NTMT1: variants seen among roughly 807,000 people sequenced by gnomAD.
NTMT1 encodes N-terminal Xaa-Pro-Lys N-methyltransferase 1, also known as N-terminal RCC1 methyltransferase.
Under a neutral mutation model 17.5 loss-of-function variants are expected in NTMT1, and 8 were observed. The observed-to-expected ratio is 0.46, with a 90% CI of 0.27 to 0.82. The LOEUF is 0.82. Ranked by LOEUF, NTMT1 falls within the 40% of genes least tolerant of loss-of-function variation. The pLI is 0.15. For synonymous variants in NTMT1, 128 were observed against 126.8 expected, an observed-to-expected ratio of 1.01 and a Z score of -0.06; for missense variants, 221 against 303.5, an observed-to-expected ratio of 0.73 and a Z score of 2.02.
intron 1 of NTMT1, among the ~76,000 whole-genome samples, chr9:129,621,083 C>G (rs530932879): frequency 1.6e-4 from 24 of 152,358 alleles, no homozygotes; most frequent in Non-Finnish European, 3.2e-4. Context: ...ACGGCATCAC[C>G]GCATCACCGC....
chr9:129,615,680 C>T (rs757416839), intron 1 of NTMT1: 1 of 1,495,824 alleles, frequency 6.7e-7, no homozygotes, highest in South Asian at 1.3e-5. Flanking sequence ...GTGCTCGAAG[C>T]CCCCCACCGT....
rs1362889601 is a variant in NTMT1, at chr9:129,634,447, A to G, written c.415+141A>G. On this transcript the variant is annotated intron_variant, in intron 3 of 3. Transcript: ENST00000372483. ...CCCCACCCCGCCCAGGCCCACCCCCACCCCGTACTTCCCAGGACTGAGGGA... is the reference window on the plus strand; with the variant it reads ...CCCCACCCCGCCCAGGCCCACCCCCGCCCCGTACTTCCCAGGACTGAGGGA... The G allele has an allele frequency of 1.8e-5, 13 of 716,446 alleles. No individual in the cohort carries two copies. The African/African-American group carries it at 6.0e-4, about 33-fold the overall frequency. The allele number at this position is 716,446 out of a possible 1,614,324, so 44.4% of individuals were successfully genotyped here.
At chr9:129,623,254 A>G (rs1416972099), upstream of NTMT1, among the ~76,000 whole-genome samples, 1 of 151,334 alleles carries the variant, frequency 6.6e-6, no homozygotes, top group Non-Finnish European at 1.5e-5. Flanking sequence ...AATGGCGTGA[A>G]CCCAGGAGGC....
rs1830664183 is a variant in NTMT1, at chr9:129,620,753, C to T, written c.-55+11575C>T. 1 of 483,374 alleles carries T rather than the reference C, an allele frequency of 2.1e-6. No homozygotes were observed. The highest frequency in any genetic ancestry group is 3.5e-5 in the East Asian group (1 of 28,196). The allele number at this position is 483,374 out of a possible 1,614,324, so 29.9% of individuals were successfully genotyped here. A position where few individuals can be genotyped will look rare whatever the true frequency, so the allele number is the denominator to read the frequency against. On this transcript the variant is annotated intron_variant, in intron 1 of 3. Coordinates refer to the NTMT1 transcript ENST00000372486. The surrounding 1 kb of genome is among the most constrained non-coding windows in gnomAD (Gnocchi z 5.8). Reference sequence around the variant, plus strand: ...TGGCTTCAGGCGAGAGCTCCCAGAGCCTCTGTTTCCTCACCTGAAAAATGG... The same window carrying T: ...TGGCTTCAGGCGAGAGCTCCCAGAGTCTCTGTTTCCTCACCTGAAAAATGG...
chr9:129,619,768 G>GA lies in NTMT1; in HGVS notation c.-55+10591dup. ...AGGTCTGGGAGGAATGAACAGTTGG[G>GA]ACACCGCGGAGACCCTGGGCAGTGC... On this transcript the variant is annotated intron_variant, in intron 1 of 3. Coordinates refer to the NTMT1 transcript ENST00000372486. 4 of 1,614,104 alleles carry GA rather than the reference G, an allele frequency of 2.5e-6. No individual in the cohort carries two copies. In the African/African-American group the frequency reaches 4.0e-5, roughly 16 times the overall value.
At chr9:129,616,986 G>C (rs569974591) in intron 1 of NTMT1, among the ~76,000 whole-genome samples, 11 of 152,128 alleles carry the variant, frequency 7.2e-5, no homozygotes, top group Admixed American at 6.5e-4. Flanking sequence ...AGAATCACTT[G>C]AACCCAGGAG....
intron 1 of NTMT1, among the ~76,000 whole-genome samples, chr9:129,610,160 G>A (rs1278601868): frequency 6.9e-6 from 1 of 144,138 alleles, no homozygotes; most frequent in Non-Finnish European, 1.5e-5. Flanking sequence ...GCGGGATCCC[G>A]GGGCCTTGCG....
rs377328547 is a variant in NTMT1 at position 129,619,980 on chromosome 9, T to G, written c.-55+10802T>G. 79 of 1,454,506 alleles carry G rather than the reference T, an allele frequency of 5.4e-5. 5 individuals are homozygous for G. The African/African-American group carries it at 5.9e-4, about 11-fold the overall frequency. 90.1% of individuals were successfully genotyped at this position (1,454,506 alleles called of 1,614,324 possible). On this transcript the variant is annotated intron_variant, in intron 1 of 3. Transcript: ENST00000372486. Reference sequence around the variant, plus strand: ...AACATTAGCATCCTTCTAGCCTGGGTGGTGGGGTGGTGGGTGCGGGGACAC... The same window carrying G: ...AACATTAGCATCCTTCTAGCCTGGGGGGTGGGGTGGTGGGTGCGGGGACAC...
chr9:129,630,771 CT>C (rs1831122855), intron 1 of NTMT1, among the ~76,000 whole-genome samples: 1 of 152,260 alleles, frequency 6.6e-6, no homozygotes, highest in African/African-American at 2.4e-5. Flanking sequence ...AGGCGGTGAG[CT>C]GCAGCTCCCA....
chr9:129,634,298 G>A lies in NTMT1; in HGVS notation c.407G>A (p.Trp136Ter). 2 of 1,600,008 alleles carry A rather than the reference G, an allele frequency of 1.2e-6. No homozygotes were observed. The highest frequency in any genetic ancestry group is 1.7e-6 in the Non-Finnish European group (2 of 1,170,956). The change falls in exon 3 of 4, where the codon TGG becomes TAG. Residue 136 changes from tryptophan to a stop codon, truncating the protein, a stop_gained. Coordinates refer to ENST00000372483, the MANE Select transcript of NTMT1 (RefSeq NM_014064.4). LOFTEE classifies it high-confidence loss of function. ...PDSYDVIWIQ[W>*]VIGHLTDQHL... ...TCTTACGACGTGATCTGGATCCAGT[G>A]GGTGATAGGTGAGGGTTCCACCGCC... is the stretch of plus-strand genomic sequence containing the variant.
At chr9:129,633,607 CAGGAGTTTG>C (rs1313155086) in intron 2 of NTMT1, 2 of 155,890 alleles carry the variant, frequency 1.3e-5, no homozygotes, top group Non-Finnish European at 2.8e-5. Context: ...TGCTTGAGCC[CAGGAGTTTG>C]AGACCAGCCT....
intron 2 of NTMT1, 195 bp downstream of exon 2, chr9:129,633,060 G>GT: frequency 1.8e-6 from 1 of 552,144 alleles, no homozygotes; most frequent in Non-Finnish European, 3.2e-6. Flanking sequence ...TTAGCCTCAG[G>GT]GTTACCAGAC....
upstream of NTMT1, among the ~76,000 whole-genome samples, chr9:129,621,181 T>C (rs1830691349): frequency 1.3e-5 from 2 of 152,206 alleles, no homozygotes; most frequent in African/African-American, 4.8e-5. Flanking sequence ...TTAGGAAACC[T>C]GGAACCAGCT....
intron 1 of NTMT1, among the ~76,000 whole-genome samples, chr9:129,618,344 T>C (rs76587076): frequency 0.018 from 2,789 of 152,180 alleles, 74 homozygotes; most frequent in East Asian, 0.064. Flanking sequence ...ATTCAACATA[T>C]AGTAAAACCT....
Position 129,620,233 on chromosome 9 carries a change from C to G in NTMT1, c.-55+11055C>G. On this transcript the variant is annotated intron_variant, in intron 1 of 3. Transcript: ENST00000372486. The surrounding 1 kb of genome is among the most constrained non-coding windows in gnomAD (Gnocchi z 5.8). ...CTCCAGGCCCTGGCTGCCTGGGCGC[C>G]GATTCCCGGGACGCGCCGGCCGACA... 7.5e-7 allele frequency: 1 copy of G among 1,336,864 alleles called. No individual in the cohort carries two copies. Among genetic ancestry groups the G allele is most frequent in the Non-Finnish European group, 9.6e-7 (1 of 1,037,188 alleles). 82.8% of individuals were successfully genotyped at this position (1,336,864 alleles called of 1,614,324 possible).
chr9:129,619,926 G>A, intron 1 of NTMT1: 2 of 1,491,864 alleles, frequency 1.3e-6, no homozygotes, highest in Non-Finnish European at 1.9e-6. Flanking sequence ...CCTCAAGGAC[G>A]GGTTGCGAGG....
chr9:129,634,235 T>A lies in NTMT1; in HGVS notation c.344T>A (p.Phe115Tyr), dbSNP rs1463386842. ...GEEGKRVRNY[F>Y]CCGLQDFTPE... The stretch of plus-strand genomic sequence containing the variant: ...GAGGGCAAGAGGGTGAGGAACTACT[T>A]CTGTTGTGGGCTCCAGGACTTCACC... Residue 115 changes from phenylalanine (F) to tyrosine (Y), a missense_variant, in exon 3 of 4, where the codon TTC (phenylalanine) becomes TAC (tyrosine). Transcript: ENST00000372483. 17 of 1,613,990 alleles carry A rather than the reference T, an allele frequency of 1.1e-5. No homozygotes were observed. Among genetic ancestry groups the A allele is most frequent in the South Asian group, 2.2e-5 (2 of 91,066 alleles).
At chr9:129,633,738 A>G (rs1831329700) in intron 2 of NTMT1, 2 of 242,766 alleles carry the variant, frequency 8.2e-6, no homozygotes, top group Non-Finnish European at 1.6e-5. Context: ...AGGTGGGAAG[A>G]TGGAGGATGG....
At chr9:129,624,268 G>A (rs1830828952), upstream of NTMT1, among the ~76,000 whole-genome samples, 1 of 152,254 alleles carries the variant, frequency 6.6e-6, no homozygotes, top group African/African-American at 2.4e-5. Context: ...TTGCTCTTCT[G>A]TTGACAGGAA....
Sources: gnomAD v4.1 joint callset for allele counts (sites outside exome capture counted in the v4.1 genomes callset) on GRCh38, gnomAD v4.1.1 for gene constraint, Gnocchi (gnomAD v3.1) non-coding constraint, MANE v1.5 for transcripts, NCBI Gene and HGNC (gene_info 2026-07-23, HGNC 2026-07-21) for gene names.